LBH: variants seen among roughly 807,000 people sequenced by gnomAD.
The protein encoded by LBH is LBH regulator of Wnt signaling pathway.
LBH carries 7 observed loss-of-function variants against 12.5 expected under a neutral mutation model. That is an observed-to-expected ratio of 0.56 (90% CI 0.32 to 1.05). The LOEUF (loss-of-function observed/expected upper bound fraction) is 1.05. Ranked by LOEUF, LBH falls within the 50% of genes least tolerant of loss-of-function variation. The probability of loss-of-function intolerance (pLI) is 0.04; values close to 1 mark genes in which losing one functional copy is unlikely to be tolerated. For missense variants in LBH, 119 were observed against 138.9 expected, an observed-to-expected ratio of 0.86 and a Z score of 0.72; for synonymous variants, 51 against 50.1, an observed-to-expected ratio of 1.02 and a Z score of -0.08.
At chr2:30,241,394 T>C (rs945598486) in intron 2 of LBH, among the ~76,000 whole-genome samples, 1 of 152,134 alleles carries the variant, frequency 6.6e-6, no homozygotes, top group African/African-American at 2.4e-5. Flanking sequence ...ATTTTTATGC[T>C]TACTTTTCCA....
chr2:30,257,954 G>A lies in LBH; in HGVS notation c.*333G>A, dbSNP rs2103565147. 1 of 200,668 alleles carries A rather than the reference G, an allele frequency of 5.0e-6. No individual in the cohort carries two copies. Among genetic ancestry groups the A allele is most frequent in the Non-Finnish European group, 1.0e-5 (1 of 98,656 alleles). 12.4% of individuals were successfully genotyped at this position (200,668 alleles called of 1,614,324 possible). ...CAGGCAGCCTAGTAGAGGCAGTGGT[G>A]GGATTCCAATGGGTCTTGGTGGGTG... On this transcript the variant is annotated 3_prime_UTR_variant, in exon 3 of 3. Coordinates refer to ENST00000395323, the MANE Select transcript of LBH (RefSeq NM_030915.4).
chr2:30,253,270 G>C (rs1368563758), intron 2 of LBH, among the ~76,000 whole-genome samples: 1 of 152,314 alleles, frequency 6.6e-6, no homozygotes, highest in East Asian at 1.9e-4. Flanking sequence ...TGAAGCAGCT[G>C]TCAGAGATAA....
At chr2:30,239,792 CTA>C (rs1299684970) in intron 2 of LBH, among the ~76,000 whole-genome samples, 1 of 152,214 alleles carries the variant, frequency 6.6e-6, no homozygotes, top group Non-Finnish European at 1.5e-5. Flanking sequence ...CATTCTGCCT[CTA>C]TGTGAGTCAT....
At chr2:30,247,704 C>G (rs368053903) in intron 2 of LBH, among the ~76,000 whole-genome samples, 14 of 152,352 alleles carry the variant, frequency 9.2e-5, no homozygotes, top group East Asian at 7.7e-4. Context: ...GTCCATTTCA[C>G]TGTGCCACAT....
In LBH at chr2:30,256,194, G is replaced by A. The variant is rs140443185; in HGVS notation, c.130-1239G>A. 1.2e-3 allele frequency among the ~76,000 whole-genome samples: 183 copies of A among 152,314 alleles called. 2 individuals are homozygous for A. In the East Asian group the frequency reaches 0.024, roughly 20 times the overall value. ...AGTGTATGCAAAGGGAATCCGCAGA[G>A]CCAGATTTGGCCCTGATTTTATAGC... is the stretch of plus-strand genomic sequence containing the variant. On this transcript the variant is annotated intron_variant, in intron 2 of 2. Coordinates refer to ENST00000395323, the MANE Select transcript of LBH (RefSeq NM_030915.4).
chr2:30,249,508 A>T (rs565676626), intron 2 of LBH, among the ~76,000 whole-genome samples: 13 of 152,262 alleles, frequency 8.5e-5, no homozygotes, highest in African/African-American at 3.1e-4. Context: ...AAGTGAAAGG[A>T]GGAGGTAGAA....
intron 1 of LBH, among the ~76,000 whole-genome samples, chr2:30,233,349 G>A (rs1677626321): frequency 6.6e-6 from 1 of 152,154 alleles, no homozygotes; most frequent in Non-Finnish European, 1.5e-5. Flanking sequence ...GTTCTTGAGG[G>A]GCAGAGCCTA....
chr2:30,234,057 A>G (rs1677638356), intron 1 of LBH, among the ~76,000 whole-genome samples: 1 of 152,214 alleles, frequency 6.6e-6, no homozygotes. Flanking sequence ...GTTTTAATAT[A>G]GACAGATGGA....
At chr2:30,249,547 G>C (rs1677939247) in intron 2 of LBH, among the ~76,000 whole-genome samples, 1 of 152,202 alleles carries the variant, frequency 6.6e-6, no homozygotes, top group Non-Finnish European at 1.5e-5. Flanking sequence ...TTGGGGGCGG[G>C]GTAGTGACAA....
chr2:30,234,621 G>A (rs1677653634), intron 2 of LBH, 114 bp downstream of exon 2: 5 of 689,224 alleles, frequency 7.3e-6, no homozygotes, highest in Admixed American at 2.5e-5. Context: ...TGGGACTGTG[G>A]CAGAGTCCCC....
At chr2:30,253,228 G>A (rs1678018588) in intron 2 of LBH, among the ~76,000 whole-genome samples, 1 of 152,156 alleles carries the variant, frequency 6.6e-6, no homozygotes, top group Non-Finnish European at 1.5e-5. Context: ...ATGACTTAGT[G>A]GAAAAATGTT....
intron 2 of LBH, among the ~76,000 whole-genome samples, chr2:30,237,520 C>T (rs1425142462): frequency 6.6e-6 from 1 of 152,126 alleles, no homozygotes; most frequent in Non-Finnish European, 1.5e-5. Flanking sequence ...TGTACCCTGC[C>T]CCCACCCAAG....
intron 1 of LBH, chr2:30,232,471 G>C (rs1677608981): frequency 2.3e-6 from 1 of 430,288 alleles, no homozygotes. Context: ...AGCCGGGAGG[G>C]ATGCAGAGAG....
intron 2 of LBH, among the ~76,000 whole-genome samples, chr2:30,247,697 C>T (rs779923669): frequency 6.6e-6 from 1 of 152,212 alleles, no homozygotes; most frequent in Non-Finnish European, 1.5e-5. Flanking sequence ...GCTAACTGTC[C>T]ATTTCACTGT....
intron 2 of LBH, among the ~76,000 whole-genome samples, chr2:30,243,284 A>G (rs1677819639): frequency 6.6e-6 from 1 of 152,208 alleles, no homozygotes; most frequent in East Asian, 1.9e-4. Flanking sequence ...TCTGTGGATT[A>G]AAAATGTACA....
At chr2:30,235,248 T>C (rs1318651609) in intron 2 of LBH, among the ~76,000 whole-genome samples, 1 of 151,996 alleles carries the variant, frequency 6.6e-6, no homozygotes, top group Non-Finnish European at 1.5e-5. Flanking sequence ...GCACCTGCAG[T>C]TCCCTCTGGG....
chr2:30,257,755 C>A lies in LBH; in HGVS notation c.*134C>A. ...AAACGAGGCTTCTGTTTTGCACCTGCAGATCACCGAGTTGGTTTTCTTTTC... is the reference window on the plus strand; with the variant it reads ...AAACGAGGCTTCTGTTTTGCACCTGAAGATCACCGAGTTGGTTTTCTTTTC... On this transcript the variant is annotated 3_prime_UTR_variant, in exon 3 of 3. Coordinates refer to ENST00000395323, the MANE Select transcript of LBH (RefSeq NM_030915.4). The A allele has an allele frequency of 1.7e-6, 1 of 599,910 alleles. No individual in the cohort carries two copies. The highest frequency in any genetic ancestry group is 2.7e-6 in the Non-Finnish European group (1 of 368,202). 37.2% of individuals were successfully genotyped at this position (599,910 alleles called of 1,614,324 possible).
chr2:30,249,994 T>C (rs995746550), intron 2 of LBH, among the ~76,000 whole-genome samples: 3 of 152,156 alleles, frequency 2.0e-5, no homozygotes, highest in African/African-American at 7.2e-5. Flanking sequence ...TACCGTAAAG[T>C]GGAAATGATT....
At chr2:30,244,847 A>G (rs1481331057) in intron 2 of LBH, among the ~76,000 whole-genome samples, 1 of 152,176 alleles carries the variant, frequency 6.6e-6, no homozygotes, top group Non-Finnish European at 1.5e-5. Flanking sequence ...TGGAGGCTGC[A>G]GTGAGCTGAG....
Sources: allele counts gnomAD v4.1 joint callset (sites outside exome capture counted in the v4.1 genomes callset), GRCh38; gene constraint gnomAD v4.1.1; transcripts MANE v1.5; gene names NCBI Gene and HGNC (gene_info 2026-07-23, HGNC 2026-07-21).